BPIFC: variants seen among roughly 807,000 people sequenced by gnomAD.
BPIFC encodes BPI fold-containing family C protein.
Under a neutral mutation model 57.6 loss-of-function variants are expected in BPIFC, and 60 were observed. That is an observed-to-expected ratio of 1.04 (90% confidence interval 0.85 to 1.29). The LOEUF is 1.29. BPIFC is among the 50% of genes most tolerant of loss of function. The pLI, the probability that BPIFC is intolerant of heterozygous loss-of-function variation, is 0.00. For missense variants in BPIFC, 581 were observed against 600.5 expected, an observed-to-expected ratio of 0.97 and a Z score of 0.34; for synonymous variants, 243 against 224.5, an observed-to-expected ratio of 1.08 and a Z score of -0.74.
intron 7 of BPIFC, among the ~76,000 whole-genome samples, chr22:32,444,195 G>A (rs528514043): frequency 1.3e-5 from 2 of 152,158 alleles, no homozygotes; most frequent in Non-Finnish European, 2.9e-5. Flanking sequence ...TTTCAAACAG[G>A]GGAATGATCA....
rs768938273 is a variant in BPIFC at position 32,447,315 on chromosome 22, G to A, written c.271C>T (p.Pro91Ser). ...SNIKISAFSF[P>S]NTSLAFVPGV... ...GGCACAAAAGCCAATGAGGTATTTG[G>A]AAATGAAAAGGCACTGATTTTTATA... is the stretch of plus-strand genomic sequence containing the variant. The change falls in exon 5 of 17, where the codon CCA becomes TCA. Residue 91 changes from proline (P) to serine (S), a missense_variant. Transcript: ENST00000300399. 3 of 1,613,766 alleles carry A rather than the reference G, an allele frequency of 1.9e-6. No homozygotes were observed.
intron 13 of BPIFC, among the ~76,000 whole-genome samples, chr22:32,425,723 C>G (rs1256859108): frequency 1.3e-5 from 2 of 152,156 alleles, no homozygotes; most frequent in Non-Finnish European, 2.9e-5. Context: ...TCTCCAGGGC[C>G]TGGAACAGTG....
chr22:32,429,460 C>T (rs1601453884), intron 13 of BPIFC, among the ~76,000 whole-genome samples: 3 of 150,916 alleles, frequency 2.0e-5, no homozygotes, highest in South Asian at 4.2e-4. Context: ...CTCGCCTCAG[C>T]CTCCCAAAGT....
rs139190153 is a variant in BPIFC, at chr22:32,452,718, C to T, written c.245+665G>A. 2.1e-3 allele frequency among the ~76,000 whole-genome samples: 318 copies of T among 152,142 alleles called. 10 individuals are homozygous for T. Among genetic ancestry groups the T allele is most frequent in the Admixed American group, 0.017 (254 of 15,288 alleles). On this transcript the variant is annotated intron_variant, in intron 4 of 16. Transcript: ENST00000300399. ...ATTGACAGCAGGGGAATGATCACCC[C>T]AAAGGGTTGGAGTAGCAGGGAATTA...
Position 32,432,551 on chromosome 22 carries a change from C to T in BPIFC, c.979-8G>A. On this transcript the variant is annotated splice_polypyrimidine_tract_variant and splice_region_variant and intron_variant, in intron 11 of 16. Transcript: ENST00000300399. The stretch of plus-strand genomic sequence containing the variant: ...GATGTAGATCTCTGCAATCTGCCCA[C>T]ATTCCGAGAAAGAAATAAAGATTGT... The T allele has an allele frequency of 6.2e-7, 1 of 1,611,896 alleles. No homozygotes were observed. Among genetic ancestry groups the T allele is most frequent in the Non-Finnish European group, 8.5e-7 (1 of 1,178,650 alleles).
At chr22:32,456,424 CTTCT>C (rs200212878) in intron 3 of BPIFC, among the ~76,000 whole-genome samples, 20,592 of 142,558 alleles carry the variant, frequency 0.14, 1,855 homozygotes, top group Middle Eastern at 0.2. Flanking sequence ...TCCCTCAATC[CTTCT>C]TTCTTTCTTT....
At chr22:32,459,869 A>AT (rs1433818962) in intron 2 of BPIFC, among the ~76,000 whole-genome samples, 1 of 151,752 alleles carries the variant, frequency 6.6e-6, no homozygotes, top group African/African-American at 2.4e-5. Context: ...ATAAAATAAA[A>AT]TAAAAAAAGA....
At chr22:32,452,637 CAAA>C (rs57754149) in intron 4 of BPIFC, among the ~76,000 whole-genome samples, 57,383 of 135,266 alleles carry the variant, frequency 0.42, 12,506 homozygotes, top group African/African-American at 0.62. Flanking sequence ...GACTCCGTCT[CAAA>C]AAAAAAAAAA....
At position 32,457,329 on chromosome 22, in the gene BPIFC, C is replaced by T; in HGVS notation, c.58G>A (p.Val20Ile). 6.2e-7 allele frequency: 1 copy of T among 1,610,912 alleles called. No individual in the cohort carries two copies. The highest frequency in any genetic ancestry group is 8.5e-7 in the Non-Finnish European group (1 of 1,179,164). Reference sequence around the variant, plus strand: ...GGGTAAATGGTCTGAGAGGATGAGACATAGAGATTCCACAGGAGGAAACAT... The same window carrying T: ...GGGTAAATGGTCTGAGAGGATGAGATATAGAGATTCCACAGGAGGAAACAT... ...WGCFLLWNLY[V>I]SSSQTIYPGI... Residue 20 changes from valine (V) to isoleucine (I), a missense_variant, in exon 3 of 17, where the codon GTC (valine) becomes ATC (isoleucine). Transcript: ENST00000300399.
At chr22:32,435,584 G>T in intron 10 of BPIFC, 120 bp downstream of exon 10, 1 of 975,340 alleles carries the variant, frequency 1.0e-6, no homozygotes, top group Non-Finnish European at 1.5e-6. Context: ...CTGTCTTGCT[G>T]GGAGTGATAG....
chr22:32,445,917 C>A lies in BPIFC; in HGVS notation c.454G>T (p.Gly152Cys). ...GIIILTRNDF[G>C]HPTLKLQDCY... ...TCTTGGAGCTTCAGGGTAGGATGAC[C>A]AAAGTCATTTCGGGTTAGGATAATG... is the stretch of plus-strand genomic sequence containing the variant. Residue 152 changes from glycine to cysteine, a missense_variant, in exon 6 of 17, where the codon GGT becomes TGT. Physicochemically the swap from Gly to Cys is radical, Grantham distance 159 (BLOSUM62 -3). Coordinates refer to ENST00000300399, the MANE Select transcript of BPIFC (RefSeq NM_174932.3). The A allele has an allele frequency of 1.2e-6, 2 of 1,614,028 alleles. No individual in the cohort carries two copies. Among genetic ancestry groups the A allele is most frequent in the Non-Finnish European group, 1.7e-6 (2 of 1,180,002 alleles).
intron 6 of BPIFC, 39 bp from the exon 7 acceptor site, chr22:32,445,737 AGGT>A: frequency 7.0e-7 from 1 of 1,423,658 alleles, no homozygotes; most frequent in Non-Finnish European, 9.5e-7. Context: ...AAAAAAAAAG[AGGT>A]TACTCAGAGA....
intron 5 of BPIFC, chr22:32,446,658 C>T (rs989652908): frequency 2.6e-6 from 2 of 764,436 alleles, no homozygotes; most frequent in South Asian, 5.9e-5. Flanking sequence ...TATCCTGTGG[C>T]ACCAACCAAG....
Position 32,447,299 on chromosome 22 carries a change from G to A in BPIFC, c.287C>T (p.Ala96Val), listed in dbSNP as rs563939434. 4.2e-5 allele frequency: 67 copies of A among 1,614,078 alleles called. No homozygotes were observed. The African/African-American group carries it at 7.9e-4, about 19-fold the overall frequency. The change falls in exon 5 of 17, where the codon GCT becomes GTT. Residue 96 changes from alanine to valine, a missense_variant. Transcript: ENST00000300399. ...TTTGATTCCCACTCCAGGCACAAAA[G>A]CCAATGAGGTATTTGGAAATGAAAA... is the stretch of plus-strand genomic sequence containing the variant. The part of the protein sequence containing the change: ...SAFSFPNTSL[A>V]FVPGVGIKAL...
Position 32,447,230 on chromosome 22 carries a change from C to T in BPIFC, c.356G>A (p.Gly119Glu). 1 of 1,609,358 alleles carries T rather than the reference C, an allele frequency of 6.2e-7. No homozygotes were observed. Among genetic ancestry groups the T allele is most frequent in the Non-Finnish European group, 8.5e-7 (1 of 1,177,668 alleles). Residue 119 changes from glycine to glutamate, a missense_variant, in exon 5 of 17, where the codon GGG (glycine) becomes GAG (glutamate). Physicochemically the swap from Gly to Glu is moderately conservative, Grantham distance 98. Transcript: ENST00000300399. The part of the protein sequence containing the change: ...HGTANISTDW[G>E]FESPLFQDTG... The stretch of plus-strand genomic sequence containing the variant: ...TACTCACAAAAGTGGAGACTCGAAC[C>T]CCCAGTCTGTGCTGATGTTGGCAGT...
At chr22:32,417,266 C>A in intron 14 of BPIFC, 118 bp from the exon 15 acceptor site, 2 of 719,778 alleles carry the variant, frequency 2.8e-6, no homozygotes, top group Non-Finnish European at 2.4e-6. Flanking sequence ...GCCTCGAACT[C>A]CTGGGCTCAA....
chr22:32,438,681 C>G (rs1934478228), intron 8 of BPIFC, among the ~76,000 whole-genome samples: 1 of 152,158 alleles, frequency 6.6e-6, no homozygotes, highest in Non-Finnish European at 1.5e-5. Flanking sequence ...AGTGAGCCAC[C>G]ACACCCAGCC....
intron 2 of BPIFC, among the ~76,000 whole-genome samples, chr22:32,461,316 G>C (rs1461183906): frequency 2.6e-5 from 4 of 152,222 alleles, no homozygotes; most frequent in African/African-American, 9.6e-5. Flanking sequence ...GGGGAGCAGT[G>C]TTGGGAGCAG....
At chr22:32,422,187 A>T (rs1933868093) in intron 13 of BPIFC, among the ~76,000 whole-genome samples, 1 of 152,122 alleles carries the variant, frequency 6.6e-6, no homozygotes, top group Non-Finnish European at 1.5e-5. Flanking sequence ...TATAAAGATC[A>T]CTCTGGCTGC....
Sources: allele counts gnomAD v4.1 joint callset (sites outside exome capture counted in the v4.1 genomes callset), GRCh38; gene constraint gnomAD v4.1.1; transcripts MANE v1.5; gene names NCBI Gene and HGNC (gene_info 2026-07-23, HGNC 2026-07-21).